ADAMTS12: variants seen among roughly 807,000 people sequenced by gnomAD.
ADAMTS12 encodes ADAM metallopeptidase with thrombospondin type 1 motif 12, also known as A disintegrin and metalloproteinase with thrombospondin motifs 12.
A neutral mutation model predicts 167.8 loss-of-function variants in ADAMTS12; 118 were observed. The observed-to-expected ratio is 0.70, with a 90% CI of 0.61 to 0.82. The LOEUF (loss-of-function observed/expected upper bound fraction) is 0.82, where lower values mean the gene tolerates loss of function less well. Ranked by LOEUF, ADAMTS12 falls within the 40% of genes least tolerant of loss-of-function variation. The pLI, the probability that ADAMTS12 is intolerant of heterozygous loss-of-function variation, is 0.00. For synonymous variants in ADAMTS12, 704 were observed against 716.9 expected (o/e 0.98, Z 0.29); for missense variants, 1,916 against 1,998.8 (o/e 0.96, Z 0.79).
chr5:33,532,837 T>C (rs1744184309), intron 23 of ADAMTS12, among the ~76,000 whole-genome samples: 1 of 152,240 alleles, frequency 6.6e-6, no homozygotes, highest in South Asian at 2.1e-4. Flanking sequence ...GTTATGTTTA[T>C]TGTGAAAGCT....
At chr5:33,694,824 A>T (rs1338976137) in intron 3 of ADAMTS12, among the ~76,000 whole-genome samples, 2 of 152,240 alleles carry the variant, frequency 1.3e-5, no homozygotes, top group African/African-American at 4.8e-5. Flanking sequence ...TATTGAAATA[A>T]TAATATTCTG....
chr5:33,699,958 A>T (rs1416522323), intron 3 of ADAMTS12, among the ~76,000 whole-genome samples: 4 of 152,212 alleles, frequency 2.6e-5, no homozygotes, highest in African/African-American at 9.6e-5. Flanking sequence ...CAACATCATT[A>T]GCTATCAGGG....
At chr5:33,628,185 G>T (rs372125978) in intron 13 of ADAMTS12, among the ~76,000 whole-genome samples, 1 of 152,074 alleles carries the variant, frequency 6.6e-6, no homozygotes, top group Non-Finnish European at 1.5e-5. Flanking sequence ...AGGAGTCCAG[G>T]AGCTGAAGTC....
intron 1 of ADAMTS12, among the ~76,000 whole-genome samples, chr5:33,889,771 G>A (rs1750777379): frequency 6.6e-6 from 1 of 152,118 alleles, no homozygotes; most frequent in Non-Finnish European, 1.5e-5. Flanking sequence ...GGCCAACATG[G>A]TGAAACCTCG....
intron 17 of ADAMTS12, among the ~76,000 whole-genome samples, chr5:33,590,401 G>A (rs1396379358): frequency 6.6e-6 from 1 of 152,170 alleles, no homozygotes; most frequent in Non-Finnish European, 1.5e-5. Flanking sequence ...GGATCTGATG[G>A]GAGGTGTTTA....
chr5:33,807,817 C>A (rs977192168), intron 2 of ADAMTS12, among the ~76,000 whole-genome samples: 3 of 152,098 alleles, frequency 2.0e-5, no homozygotes, highest in African/African-American at 7.2e-5. Context: ...AATGGTTATT[C>A]AAAGTTAATA....
chr5:33,715,364 G>T (rs1367498823), intron 3 of ADAMTS12, among the ~76,000 whole-genome samples: 1 of 152,062 alleles, frequency 6.6e-6, no homozygotes, highest in African/African-American at 2.4e-5. Context: ...TAGCAAGTTT[G>T]GGGGGACACT....
intron 2 of ADAMTS12, among the ~76,000 whole-genome samples, chr5:33,846,085 G>A (rs1470640086): frequency 6.6e-6 from 1 of 152,142 alleles, no homozygotes; most frequent in African/African-American, 2.4e-5. Flanking sequence ...TATCCAAACT[G>A]TATCATGTGC....
rs956054055 is a variant in ADAMTS12 at position 33,523,781 on chromosome 5, A to G, written c.*3407T>C. 6.6e-6 allele frequency: 1 copy of G among 152,154 alleles called. No homozygotes were observed. The highest frequency in any genetic ancestry group is 2.4e-5 in the African/African-American group (1 of 41,426). The allele number at this position is 152,154 out of a possible 1,614,324, so 9.4% of individuals were successfully genotyped here. A position where few individuals can be genotyped will look rare whatever the true frequency, so the allele number is the denominator to read the frequency against. Reference sequence around the variant, plus strand: ...TTTTAGTAACATAACTTAGAATACTACTTGAATAAGCAGTACAGACAACAG... The same window carrying G: ...TTTTAGTAACATAACTTAGAATACTGCTTGAATAAGCAGTACAGACAACAG... On this transcript the variant is annotated 3_prime_UTR_variant, in exon 24 of 24. Coordinates refer to ENST00000504830, the MANE Select transcript of ADAMTS12 (RefSeq NM_030955.4).
chr5:33,530,471 C>T (rs1259728097), intron 23 of ADAMTS12, among the ~76,000 whole-genome samples: 4 of 152,194 alleles, frequency 2.6e-5, no homozygotes, highest in African/African-American at 7.2e-5. Context: ...ATCACAAAGC[C>T]GCCCCAGTTT....
At chr5:33,530,045 G>A (rs954550971) in intron 23 of ADAMTS12, among the ~76,000 whole-genome samples, 1 of 151,944 alleles carries the variant, frequency 6.6e-6, no homozygotes, top group Non-Finnish European at 1.5e-5. Context: ...TCAGCCTCCT[G>A]AGTAGTTGGG....
intron 1 of ADAMTS12, among the ~76,000 whole-genome samples, chr5:33,887,120 A>G (rs1457404694): frequency 6.6e-6 from 1 of 152,122 alleles, no homozygotes; most frequent in Non-Finnish European, 1.5e-5. Context: ...TGGCCAATGA[A>G]AGCAGAACTC....
At chr5:33,553,735 G>A (rs964871436) in intron 20 of ADAMTS12, among the ~76,000 whole-genome samples, 3 of 152,168 alleles carry the variant, frequency 2.0e-5, no homozygotes, top group African/African-American at 7.2e-5. Context: ...TGGGAGGAGG[G>A]AGAGGATCAG....
intron 19 of ADAMTS12, among the ~76,000 whole-genome samples, chr5:33,564,863 G>T (rs942846338): frequency 2.6e-5 from 4 of 152,174 alleles, no homozygotes; most frequent in African/African-American, 4.8e-5. Context: ...AAACCACTGG[G>T]TCTTAGACTA....
chr5:33,815,210 T>C (rs368110045), intron 2 of ADAMTS12, among the ~76,000 whole-genome samples: 6 of 152,318 alleles, frequency 3.9e-5, no homozygotes, highest in African/African-American at 1.4e-4. Flanking sequence ...TGGAGACTGG[T>C]GCACAGGTCA....
At chr5:33,569,025 G>A (rs1040631073) in intron 19 of ADAMTS12, among the ~76,000 whole-genome samples, 8 of 152,228 alleles carry the variant, frequency 5.3e-5, no homozygotes, top group Non-Finnish European at 1.2e-4. Flanking sequence ...ACTGCAAGGC[G>A]GCAGCAAGGC....
chr5:33,846,518 G>A (rs941334003), intron 2 of ADAMTS12, among the ~76,000 whole-genome samples: 28 of 152,102 alleles, frequency 1.8e-4, no homozygotes, highest in African/African-American at 6.3e-4. Flanking sequence ...CTAGGAAGAC[G>A]GCCTTGATTG....
chr5:33,839,568 A>C (rs1039498951), intron 2 of ADAMTS12, among the ~76,000 whole-genome samples: 3 of 152,186 alleles, frequency 2.0e-5, no homozygotes, highest in Admixed American at 2.0e-4. Context: ...AGGGAACCAG[A>C]GAATGAGGTC....
intron 12 of ADAMTS12, among the ~76,000 whole-genome samples, chr5:33,636,334 T>C (rs950005921): frequency 2.0e-5 from 3 of 152,222 alleles, no homozygotes; most frequent in African/African-American, 4.8e-5. Context: ...TACACATAGA[T>C]AGCACTGGCT....
Sources: gnomAD v4.1 joint callset for allele counts (sites outside exome capture counted in the v4.1 genomes callset) on GRCh38, gnomAD v4.1.1 for gene constraint, MANE v1.5 for transcripts, NCBI Gene and HGNC (gene_info 2026-07-23, HGNC 2026-07-21) for gene names.